Variants in CACNA1E observed in about 807,000 individuals in gnomAD.
CACNA1E encodes voltage-dependent R-type calcium channel subunit alpha-1E.
Under a neutral mutation model 259.2 loss-of-function variants are expected in CACNA1E, and 40 were observed. The ratio of observed to expected loss-of-function variants is 0.15; its 90% CI spans 0.12 to 0.20. The LOEUF (loss-of-function observed/expected upper bound fraction) is 0.20. Among genes scored for constraint, CACNA1E ranks in the 10% least tolerant of loss-of-function variants. The probability of loss-of-function intolerance (pLI) is 1.00; values close to 1 mark genes in which losing one functional copy is unlikely to be tolerated. For missense variants in CACNA1E, 1,874 were observed against 3,040.1 expected (o/e 0.62, Z 9.02); for synonymous variants, 1,104 against 1,138.5 (o/e 0.97, Z 0.61).
upstream of CACNA1E, chr1:181,483,508 T>C (rs564078498): frequency 1.9e-4 from 62 of 334,358 alleles, no homozygotes; most frequent in East Asian, 6.7e-4. Context: ...TTTCTTTTTT[T>C]TTTTTTTCCT....
intron 2 of CACNA1E, among the ~76,000 whole-genome samples, chr1:181,417,967 T>A (rs1481487541): frequency 2.6e-5 from 4 of 151,430 alleles, no homozygotes; most frequent in Non-Finnish European, 5.9e-5. Flanking sequence ...TCTGTCTCCA[T>A]TTTTTTTTCT....
chr1:181,385,190 C>T (rs1005923831), intron 1 of CACNA1E, among the ~76,000 whole-genome samples: 3 of 152,230 alleles, frequency 2.0e-5, no homozygotes, highest in African/African-American at 4.8e-5. Flanking sequence ...ATTCTAGACT[C>T]TTACCTCCTA....
chr1:181,455,028 T>C lies in CACNA1E; in HGVS notation c.435-28716T>C, dbSNP rs1029336497. On this transcript the variant is annotated intron_variant, in intron 2 of 11. Transcript: ENST00000524607. The stretch of plus-strand genomic sequence containing the variant: ...TCAGTTTTCTGTGAAATGAGAAAAA[T>C]AGGGCAAGGTGTGATTATTTCATAA... 2.0e-5 allele frequency among the ~76,000 whole-genome samples: 3 copies of C among 152,284 alleles called. No individual in the cohort carries two copies. In the South Asian group the frequency reaches 6.2e-4, roughly 32 times the overall value.
chr1:181,712,771 G>A (rs935405817), intron 8 of CACNA1E, among the ~76,000 whole-genome samples: 1 of 152,116 alleles, frequency 6.6e-6, no homozygotes, highest in African/African-American at 2.4e-5. Context: ...GATGGTCCCA[G>A]CTGTCCTTGG....
At chr1:181,404,737 G>A (rs893633361) in intron 1 of CACNA1E, among the ~76,000 whole-genome samples, 1 of 152,172 alleles carries the variant, frequency 6.6e-6, no homozygotes, top group African/African-American at 2.4e-5. Context: ...CTTCCCACGT[G>A]TTTGATCACA....
rs2102661724 is a variant in CACNA1E at position 181,518,582 on chromosome 1, C to T, written c.512+7072C>T. 2.0e-5 allele frequency among the ~76,000 whole-genome samples: 3 copies of T among 152,272 alleles called. No individual in the cohort carries two copies. The South Asian group carries it at 6.2e-4, about 32-fold the overall frequency. On this transcript the variant is annotated intron_variant, in intron 3 of 47. Transcript: ENST00000367573. ...TCTTAGCTCTGTGCTGCTGATAAAT[C>T]CAGTTACTTCAGGGAGACTCCTAGT...
chr1:181,390,958 T>G (rs997562832), intron 1 of CACNA1E, among the ~76,000 whole-genome samples: 3 of 152,200 alleles, frequency 2.0e-5, no homozygotes, highest in Admixed American at 2.0e-4. Context: ...GCCCCTGCCC[T>G]TACCTTTCCA....
intron 25 of CACNA1E, among the ~76,000 whole-genome samples, chr1:181,740,811 G>T (rs1656499749): frequency 6.6e-6 from 1 of 152,144 alleles, no homozygotes; most frequent in Non-Finnish European, 1.5e-5. Context: ...CATGTGGCTG[G>T]ACTGTTCTTG....
chr1:181,482,705 C>T (rs1663385994), upstream of CACNA1E, among the ~76,000 whole-genome samples: 1 of 152,254 alleles, frequency 6.6e-6, no homozygotes, highest in Non-Finnish European at 1.5e-5. Context: ...GCGCTGCCTG[C>T]GGGGAAGAGG....
At chr1:181,691,720 T>C (rs1185004746) in intron 7 of CACNA1E, among the ~76,000 whole-genome samples, 6 of 152,158 alleles carry the variant, frequency 3.9e-5, no homozygotes, top group Non-Finnish European at 8.8e-5. Context: ...TCATACTGAA[T>C]GGGCAAAAGC....
chr1:181,663,055 C>T (rs921111647), intron 7 of CACNA1E, among the ~76,000 whole-genome samples: 3 of 152,140 alleles, frequency 2.0e-5, no homozygotes, highest in Non-Finnish European at 2.9e-5. Context: ...TCTCATTTTA[C>T]AATTAGTATT....
At chr1:181,481,947 A>G (rs918862803), upstream of CACNA1E, among the ~76,000 whole-genome samples, 3 of 151,786 alleles carry the variant, frequency 2.0e-5, no homozygotes, top group East Asian at 5.8e-4. Flanking sequence ...CGAGAAGGGT[A>G]GTTTTAGCCC....
chr1:181,707,173 G>A (rs1387549138), intron 7 of CACNA1E, among the ~76,000 whole-genome samples: 1 of 152,196 alleles, frequency 6.6e-6, no homozygotes, highest in African/African-American at 2.4e-5. Flanking sequence ...GGTTCCCAAT[G>A]AAAGAACAAA....
intron 38 of CACNA1E, among the ~76,000 whole-genome samples, chr1:181,779,143 C>T (rs962604336): frequency 1.6e-4 from 24 of 152,364 alleles, no homozygotes; most frequent in Non-Finnish European, 3.4e-4. Flanking sequence ...AGAGCCAGGG[C>T]TGTGTCTGCA....
intron 2 of CACNA1E, among the ~76,000 whole-genome samples, chr1:181,440,794 C>A (rs937233522): frequency 6.6e-6 from 1 of 151,680 alleles, no homozygotes; most frequent in Non-Finnish European, 1.5e-5. Context: ...CCAGCCTGGG[C>A]AACCTTGTGA....
At chr1:181,577,654 C>T (rs971403637) in intron 3 of CACNA1E, 112 bp from the exon 4 acceptor site, 3 of 628,142 alleles carry the variant, frequency 4.8e-6, no homozygotes, top group Admixed American at 2.7e-5. Context: ...ATACAGCTGG[C>T]GTCAGCGCTG....
In CACNA1E at chr1:181,776,527, CT is replaced by C. The variant is rs1483889110; in HGVS notation, c.5267+304del. Among the ~76,000 whole-genome samples the C allele has an allele frequency of 6.6e-6, 1 of 152,188 alleles. No individual in the cohort carries two copies. Among genetic ancestry groups the C allele is most frequent in the East Asian group, 1.9e-4 (1 of 5,184 alleles). ...AGTCCCAAGAGAACTTTCCAATAATCTTTTTCTGCCAATGGTTAGTGGACTC... is the reference window on the plus strand; with the variant it reads ...AGTCCCAAGAGAACTTTCCAATAATCTTTTCTGCCAATGGTTAGTGGACTC... On this transcript the variant is annotated intron_variant, in intron 38 of 47. Transcript: ENST00000367573. The surrounding 1 kb of genome is among the most constrained non-coding windows in gnomAD (Gnocchi z 4.4).
At chr1:181,533,688 C>G (rs1019800346) in intron 3 of CACNA1E, among the ~76,000 whole-genome samples, 2 of 152,000 alleles carry the variant, frequency 1.3e-5, no homozygotes, top group Non-Finnish European at 2.9e-5. Flanking sequence ...AACATTTTCA[C>G]AATGTTGAAT....
At chr1:181,470,546 T>C (rs1662440513) in intron 2 of CACNA1E, among the ~76,000 whole-genome samples, 1 of 152,092 alleles carries the variant, frequency 6.6e-6, no homozygotes, top group African/African-American at 2.4e-5. Flanking sequence ...AATAGGTTCC[T>C]AGGGCACTGT....
Sources: gnomAD v4.1 joint callset for allele counts (sites outside exome capture counted in the v4.1 genomes callset) on GRCh38, gnomAD v4.1.1 for gene constraint, Gnocchi (gnomAD v3.1) non-coding constraint, MANE v1.5 for transcripts, NCBI Gene and HGNC (gene_info 2026-07-23, HGNC 2026-07-21) for gene names.